MKKS: variants seen among roughly 807,000 people sequenced by gnomAD.
MKKS encodes molecular chaperone MKKS.
MKKS carries 29 observed loss-of-function variants against 33.2 expected under a neutral mutation model. That is an observed-to-expected ratio of 0.87 (90% confidence interval 0.65 to 1.19). The LOEUF is 1.19. Among genes scored for constraint, MKKS ranks in the 50% most tolerant of loss-of-function variants. The pLI is 0.00. For synonymous variants in MKKS, 260 were observed against 244.0 expected (o/e 1.07, Z -0.61); for missense variants, 661 against 662.3 (o/e 1.00, Z 0.02).
At chr20:10,411,108 TCCCAAGTAG>T (rs1422860241) in intron 3 of MKKS, among the ~76,000 whole-genome samples, 1 of 151,740 alleles carries the variant, frequency 6.6e-6, no homozygotes, top group African/African-American at 2.4e-5. Context: ...TGTCTCAGCC[TCCCAAGTAG>T]CTGGGATTAC....
rs2064913728 is a variant in MKKS at position 10,413,534 on chromosome 20, A to G, written c.-20T>C. 1.2e-6 allele frequency: 2 copies of G among 1,613,914 alleles called. No individual in the cohort carries two copies. The highest frequency in any genetic ancestry group is 1.7e-6 in the Non-Finnish European group (2 of 1,179,860). Reference sequence around the variant, plus strand: ...AGACATCTTACTTCAGGTGGTAACTAGTGAAGACCGTTTTTATTTTGTAAA... The same window carrying G: ...AGACATCTTACTTCAGGTGGTAACTGGTGAAGACCGTTTTTATTTTGTAAA... On this transcript the variant is annotated 5_prime_UTR_variant, in exon 3 of 6. Coordinates refer to ENST00000347364, the MANE Select transcript of MKKS (RefSeq NM_170784.3).
chr20:10,433,869 G>T (rs1211761341), intron 1 of MKKS, among the ~76,000 whole-genome samples: 1 of 152,172 alleles, frequency 6.6e-6, no homozygotes, highest in Non-Finnish European at 1.5e-5. Flanking sequence ...CCGGCGGGAA[G>T]ACCTCCTCGC....
chr20:10,408,739 C>A lies in MKKS; in HGVS notation c.1050G>T (p.Val350=). The change falls in exon 4 of 6, where the codon GTG becomes GTT. Residue 350 remains valine, a synonymous_variant. Coordinates refer to ENST00000347364, the MANE Select transcript of MKKS (RefSeq NM_170784.3). Reference sequence around the variant, plus strand: ...GTTTGGAGCCAAATTTTGCAGTGCACACATCTTTCACACTTCCATAACTAT... The same window carrying A: ...GTTTGGAGCCAAATTTTGCAGTGCAAACATCTTTCACACTTCCATAACTAT... ...CPNSYGSVKD[V]CTAKFGSKHF... The A allele has an allele frequency of 6.2e-7, 1 of 1,613,818 alleles. No homozygotes were observed. The highest frequency in any genetic ancestry group is 1.7e-4 in the Middle Eastern group (1 of 6,060).
chr20:10,417,427 A>G (rs374976700), intron 2 of MKKS, among the ~76,000 whole-genome samples: 3 of 152,230 alleles, frequency 2.0e-5, no homozygotes, highest in African/African-American at 7.2e-5. Flanking sequence ...CCTGGGCAAC[A>G]CAGCAAGACC....
chr20:10,431,650 T>G (rs2065054316), intron 1 of MKKS: 1 of 152,178 alleles, frequency 6.6e-6, no homozygotes. Context: ...TCCTCTATCC[T>G]CCTCTGAATT....
At position 10,413,577 on chromosome 20, in the gene MKKS, T is replaced by G; in HGVS notation, c.-63A>C. The stretch of plus-strand genomic sequence containing the variant: ...TTTGTAAACCACATTTTTCTATTTA[T>G]TGCATTATCACGTTTTAACATTAAA... On this transcript the variant is annotated 5_prime_UTR_variant, in exon 3 of 6. Coordinates refer to ENST00000347364, the MANE Select transcript of MKKS (RefSeq NM_170784.3). 1.3e-6 allele frequency: 2 copies of G among 1,540,670 alleles called. No individual in the cohort carries two copies. Among genetic ancestry groups the G allele is most frequent in the South Asian group, 1.1e-5 (1 of 89,290 alleles).
intron 1 of MKKS, among the ~76,000 whole-genome samples, chr20:10,424,745 T>C (rs528579478): frequency 1.4e-4 from 21 of 152,282 alleles, no homozygotes; most frequent in Admixed American, 7.2e-4. Flanking sequence ...AGTTCCTCTG[T>C]GGTTTTTTAC....
At position 10,413,855 on chromosome 20, in the gene MKKS, C is replaced by A; in HGVS notation, c.-341G>T. ...TGAAAGATATCCCAGCTACAAGAAGCCAGTTCTTTCTAATCCAACTGGTAT... is the reference window on the plus strand; with the variant it reads ...TGAAAGATATCCCAGCTACAAGAAGACAGTTCTTTCTAATCCAACTGGTAT... On this transcript the variant is annotated 5_prime_UTR_variant, in exon 3 of 6. Coordinates refer to ENST00000347364, the MANE Select transcript of MKKS (RefSeq NM_170784.3). 2.3e-6 allele frequency: 1 copy of A among 443,568 alleles called. No individual in the cohort carries two copies. Among genetic ancestry groups the A allele is most frequent in the Non-Finnish European group, 4.0e-6 (1 of 251,630 alleles). The allele number at this position is 443,568 out of a possible 1,614,324, so 27.5% of individuals were successfully genotyped here. A position where few individuals can be genotyped will look rare whatever the true frequency, so the allele number is the denominator to read the frequency against.
At chr20:10,414,821 G>A (rs924080340) in intron 2 of MKKS, among the ~76,000 whole-genome samples, 2 of 152,106 alleles carry the variant, frequency 1.3e-5, no homozygotes, top group African/African-American at 4.8e-5. Context: ...AACAAACCAT[G>A]TTTTAAACAC....
chr20:10,425,541 G>C (rs1463577097), intron 1 of MKKS, among the ~76,000 whole-genome samples: 1 of 152,170 alleles, frequency 6.6e-6, no homozygotes, highest in African/African-American at 2.4e-5. Context: ...AGACAGACTG[G>C]GAGATCCAAT....
chr20:10,406,650 A>G (rs1353202759), intron 5 of MKKS, among the ~76,000 whole-genome samples: 3 of 152,214 alleles, frequency 2.0e-5, no homozygotes, highest in Non-Finnish European at 4.4e-5. Context: ...TAGCAAACTA[A>G]TAACTGAATG....
intron 2 of MKKS, among the ~76,000 whole-genome samples, chr20:10,415,409 T>C (rs996757541): frequency 1.3e-5 from 2 of 152,184 alleles, no homozygotes; most frequent in Admixed American, 6.5e-5. Flanking sequence ...TATGCAAATG[T>C]TATTTTGGTT....
At chr20:10,429,522 A>G (rs2065039392) in intron 1 of MKKS, among the ~76,000 whole-genome samples, 1 of 151,746 alleles carries the variant, frequency 6.6e-6, no homozygotes, top group Non-Finnish European at 1.5e-5. Flanking sequence ...AATAGTCTCA[A>G]TTCATCTCAT....
chr20:10,404,228 A>T lies in MKKS; in HGVS notation c.*1019T>A, dbSNP rs1456291861. ...TGGGAGATTTTCTACTTTCTTTTTC[A>T]TACTATTGACTAGAGAAATAACTTC... On this transcript the variant is annotated 3_prime_UTR_variant, in exon 6 of 6. Transcript: ENST00000347364. The T allele has an allele frequency of 6.6e-6, 1 of 151,430 alleles. No homozygotes were observed. Among genetic ancestry groups the T allele is most frequent in the Non-Finnish European group, 1.5e-5 (1 of 67,928 alleles). The allele number at this position is 151,430 out of a possible 1,614,324, so 9.4% of individuals were successfully genotyped here.
At chr20:10,429,358 GA>G (rs2065038296) in intron 1 of MKKS, among the ~76,000 whole-genome samples, 1 of 152,096 alleles carries the variant, frequency 6.6e-6, no homozygotes, top group Non-Finnish European at 1.5e-5. Flanking sequence ...CCTTATCAAA[GA>G]TCTGTCTTTG....
Position 10,412,523 on chromosome 20 carries a change from T to C in MKKS, c.985+7A>G, listed in dbSNP as rs895588345. 4 of 1,612,802 alleles carry C rather than the reference T, an allele frequency of 2.5e-6. No individual in the cohort carries two copies. In the African/African-American group the frequency reaches 4.0e-5, roughly 16 times the overall value. On this transcript the variant is annotated splice_region_variant and intron_variant, in intron 3 of 5. Coordinates refer to ENST00000347364, the MANE Select transcript of MKKS (RefSeq NM_170784.3). ...TGTAAGAGGCAAAAGCAAAGAGTGA[T>C]TTTTACCTGTCATTTTAGTCAGGGG... is the stretch of plus-strand genomic sequence containing the variant.
intron 1 of MKKS, among the ~76,000 whole-genome samples, chr20:10,421,031 T>C (rs879672366): frequency 9.9e-5 from 15 of 152,234 alleles, no homozygotes; most frequent in African/African-American, 1.4e-4. Context: ...GGAAAAGCTA[T>C]ATGAATCTTT....
At chr20:10,414,622 A>G (rs1317900945) in intron 2 of MKKS, among the ~76,000 whole-genome samples, 9 of 152,318 alleles carry the variant, frequency 5.9e-5, no homozygotes, top group Non-Finnish European at 1.3e-4. Flanking sequence ...TGAAGATTTA[A>G]TATTATGTTT....
At chr20:10,432,380 G>C (rs1356346753) in intron 1 of MKKS, among the ~76,000 whole-genome samples, 2 of 152,132 alleles carry the variant, frequency 1.3e-5, no homozygotes, top group African/African-American at 4.8e-5. Flanking sequence ...ACCCAACCTA[G>C]GACAATCTAG....
Sources: allele counts gnomAD v4.1 joint callset (sites outside exome capture counted in the v4.1 genomes callset), GRCh38; gene constraint gnomAD v4.1.1; transcripts MANE v1.5; gene names NCBI Gene and HGNC (gene_info 2026-07-23, HGNC 2026-07-21).